SLC12A6: variants seen among roughly 807,000 people sequenced by gnomAD.
SLC12A6 encodes solute carrier family 12 member 6.
In SLC12A6, 66 loss-of-function variants were observed where a neutral mutation model predicts 135.3. That is an observed-to-expected ratio of 0.49 (90% CI 0.40 to 0.60). The LOEUF (loss-of-function observed/expected upper bound fraction) is 0.60. SLC12A6 is among the 20% of genes least tolerant of loss of function. The pLI, the probability that SLC12A6 is intolerant of heterozygous loss-of-function variation, is 0.00. For missense variants in SLC12A6, 1,058 were observed against 1,452.3 expected (o/e 0.73, Z 4.41); for synonymous variants, 513 against 508.8 (o/e 1.01, Z -0.11).
At chr15:34,250,782 T>G in intron 11 of SLC12A6, 53 bp from the exon 12 acceptor site, 1 of 1,343,524 alleles carries the variant, frequency 7.4e-7, no homozygotes, top group Non-Finnish European at 1.1e-6. Context: ...ACTTTGATAT[T>G]GATACTGATA....
chr15:34,283,160 T>C (rs907518365), intron 2 of SLC12A6, among the ~76,000 whole-genome samples: 1 of 152,086 alleles, frequency 6.6e-6, no homozygotes, highest in Non-Finnish European at 1.5e-5. Context: ...CTGGCCAACA[T>C]GGTGAAACCC....
chr15:34,301,653 A>T (rs1443611594), intron 2 of SLC12A6, among the ~76,000 whole-genome samples: 1 of 152,266 alleles, frequency 6.6e-6, no homozygotes. Flanking sequence ...GAATTTACTT[A>T]GCAATCGTCT....
chr15:34,292,728 C>A (rs1266888096), intron 2 of SLC12A6, among the ~76,000 whole-genome samples: 1 of 150,326 alleles, frequency 6.7e-6, no homozygotes, highest in Non-Finnish European at 1.5e-5. Flanking sequence ...TGGCAGACGC[C>A]CCTTGCCCCA....
intron 3 of SLC12A6, among the ~76,000 whole-genome samples, chr15:34,262,170 T>A (rs1893181108): frequency 6.6e-6 from 1 of 152,222 alleles, no homozygotes; most frequent in Non-Finnish European, 1.5e-5. Flanking sequence ...TTTGGCATAC[T>A]TTCCTCTAAT....
At chr15:34,292,051 G>A (rs1408744518) in intron 2 of SLC12A6, among the ~76,000 whole-genome samples, 1 of 152,108 alleles carries the variant, frequency 6.6e-6, no homozygotes, top group Non-Finnish European at 1.5e-5. Context: ...TGTTTCTTTG[G>A]AGAAGAAGAG....
chr15:34,261,771 G>A (rs955291059), intron 3 of SLC12A6, among the ~76,000 whole-genome samples: 7 of 152,184 alleles, frequency 4.6e-5, no homozygotes, highest in African/African-American at 1.7e-4. Context: ...ATTATATGAA[G>A]TTTTGATTTG....
At chr15:34,270,060 A>G (rs554261290) in intron 3 of SLC12A6, among the ~76,000 whole-genome samples, 25 of 149,228 alleles carry the variant, frequency 1.7e-4, no homozygotes, top group Admixed American at 7.3e-4. Context: ...AGGACGAATA[A>G]TTCTTTCCCT....
At chr15:34,305,127 T>C (rs553440045) in intron 2 of SLC12A6, among the ~76,000 whole-genome samples, 10 of 152,332 alleles carry the variant, frequency 6.6e-5, no homozygotes, top group Admixed American at 2.6e-4. Context: ...TGTTACTTGA[T>C]AGGTGCAACC....
At chr15:34,332,637 G>C (rs60006756) in intron 2 of SLC12A6, among the ~76,000 whole-genome samples, 1 of 152,064 alleles carries the variant, frequency 6.6e-6, no homozygotes, top group Non-Finnish European at 1.5e-5. Flanking sequence ...ACAAAATTTA[G>C]CCGGGTGTGG....
intron 2 of SLC12A6, among the ~76,000 whole-genome samples, chr15:34,296,483 T>C (rs1895884998): frequency 6.6e-6 from 1 of 152,188 alleles, no homozygotes; most frequent in East Asian, 1.9e-4. Context: ...TTGTCTACTA[T>C]ATCATACTGG....
At chr15:34,324,475 T>C (rs945472188) in intron 2 of SLC12A6, among the ~76,000 whole-genome samples, 1 of 152,194 alleles carries the variant, frequency 6.6e-6, no homozygotes, top group Non-Finnish European at 1.5e-5. Context: ...TTATACCTGC[T>C]AAAAATAGTT....
intron 2 of SLC12A6, among the ~76,000 whole-genome samples, chr15:34,296,079 C>T (rs1289592908): frequency 6.6e-6 from 1 of 152,196 alleles, no homozygotes; most frequent in Admixed American, 6.5e-5. Flanking sequence ...GTCTGTACTA[C>T]ATTTCCCAGT....
intron 2 of SLC12A6, among the ~76,000 whole-genome samples, chr15:34,287,990 C>G (rs1895228363): frequency 1.3e-5 from 2 of 152,066 alleles, no homozygotes; most frequent in Non-Finnish European, 2.9e-5. Flanking sequence ...TAATTAGATC[C>G]CATTTGTCAA....
At chr15:34,300,403 A>T (rs561058198) in intron 2 of SLC12A6, among the ~76,000 whole-genome samples, 6 of 152,142 alleles carry the variant, frequency 3.9e-5, no homozygotes, top group African/African-American at 1.4e-4. Flanking sequence ...ACAGTACAAC[A>T]TTGTTGGAAA....
intron 2 of SLC12A6, among the ~76,000 whole-genome samples, chr15:34,322,707 G>A (rs1292292918): frequency 2.0e-5 from 3 of 152,086 alleles, no homozygotes; most frequent in African/African-American, 7.2e-5. Flanking sequence ...GCTGGGCGTG[G>A]TGGCTTACAC....
intron 2 of SLC12A6, among the ~76,000 whole-genome samples, chr15:34,308,588 G>A (rs1887905170): frequency 7.6e-6 from 1 of 131,972 alleles, no homozygotes; most frequent in Non-Finnish European, 1.5e-5. Context: ...CCACTCCACT[G>A]CACTTCAGCC....
intron 15 of SLC12A6, among the ~76,000 whole-genome samples, chr15:34,244,976 T>C (rs1891886222): frequency 6.6e-6 from 1 of 152,202 alleles, no homozygotes; most frequent in Non-Finnish European, 1.5e-5. Context: ...GCCAGGTAAG[T>C]AGTAAGCATC....
intron 2 of SLC12A6, among the ~76,000 whole-genome samples, chr15:34,334,037 C>T (rs1362261323): frequency 6.6e-6 from 1 of 151,260 alleles, no homozygotes; most frequent in African/African-American, 2.4e-5. Flanking sequence ...GCCCTTGTAC[C>T]CCAGCCTGGG....
At chr15:34,250,240 A>G in intron 13 of SLC12A6, 58 bp downstream of exon 13, 2 of 948,170 alleles carry the variant, frequency 2.1e-6, no homozygotes, top group Non-Finnish European at 3.5e-6. Flanking sequence ...GCTATGTGGA[A>G]TGATCAGAAG....
Sources: allele counts gnomAD v4.1 joint callset (sites outside exome capture counted in the v4.1 genomes callset), GRCh38; gene constraint gnomAD v4.1.1; transcripts MANE v1.5; gene names NCBI Gene and HGNC (gene_info 2026-07-23, HGNC 2026-07-21).